The following ANKRD44 variants were observed in gnomAD, a reference collection of about 807,000 sequenced individuals.
The protein encoded by ANKRD44 is serine/threonine-protein phosphatase 6 regulatory ankyrin repeat subunit B.
A neutral mutation model predicts 116.0 loss-of-function variants in ANKRD44; 35 were observed. That is an observed-to-expected ratio of 0.30 (90% CI 0.23 to 0.40). ANKRD44 has a LOEUF of 0.40. ANKRD44 is among the 10% of genes least tolerant of loss of function. The pLI is 1.00. For missense variants in ANKRD44, 1,014 were observed against 1,242.6 expected (o/e 0.82, Z 2.77); for synonymous variants, 435 against 461.8 (o/e 0.94, Z 0.74).
rs375548723 is a variant in ANKRD44 at position 197,184,428 on chromosome 2, G to A, written c.111+2595C>T. Among the ~76,000 whole-genome samples, 460 of 152,194 alleles carry A rather than the reference G, an allele frequency of 3.0e-3. 3 individuals carry two copies. The highest frequency in any genetic ancestry group is 0.018 in the South Asian group (85 of 4,820). ...AGGCCGAGGCAGGCAGATCACCTGA[G>A]GTGAGGAGTTCAAGACCAGCCTGGC... On this transcript the variant is annotated intron_variant, in intron 2 of 27. Transcript: ENST00000282272.
chr2:197,131,765 C>G (rs2079102380), intron 4 of ANKRD44, among the ~76,000 whole-genome samples: 1 of 152,170 alleles, frequency 6.6e-6, no homozygotes, highest in African/African-American at 2.4e-5. Context: ...TATACTAAAA[C>G]TAAAAGCCAC....
chr2:197,264,814 A>T (rs1209802514), intron 1 of ANKRD44, among the ~76,000 whole-genome samples: 1 of 152,214 alleles, frequency 6.6e-6, no homozygotes, highest in Non-Finnish European at 1.5e-5. Context: ...AAGTTCAAGA[A>T]ATCAAAACCC....
chr2:197,175,497 G>A lies in ANKRD44; in HGVS notation c.111+11526C>T, dbSNP rs118012829. ...GATGACAAAAGACAGATGCTGGAGG[G>A]AAAAACACACAGTGTCGGTACCACT... On this transcript the variant is annotated intron_variant, in intron 2 of 27. Coordinates refer to ENST00000282272, the MANE Select transcript of ANKRD44 (RefSeq NM_001195144.2). Among the ~76,000 whole-genome samples the A allele has an allele frequency of 2.4e-4, 36 of 152,244 alleles. No individual in the cohort carries two copies. In the East Asian group the frequency reaches 7.0e-3, roughly 29 times the overall value.
chr2:196,989,533 T>G lies in ANKRD44; in HGVS notation c.*58A>C, dbSNP rs539973959. The G allele has an allele frequency of 6.5e-7, 1 of 1,536,394 alleles. No homozygotes were observed. Among genetic ancestry groups the G allele is most frequent in the South Asian group, 1.2e-5 (1 of 83,048 alleles). On this transcript the variant is annotated 3_prime_UTR_variant, in exon 28 of 28. Transcript: ENST00000282272. ...CTACACACACACACACATATATATA[T>G]ATATACACACGCACACATATATGTG...
intron 16 of ANKRD44, chr2:197,078,289 CCACACACACACA>C (rs10581633): frequency 0.13 from 20,622 of 157,940 alleles, 1,435 homozygotes; most frequent in Non-Finnish European, 0.17. Context: ...CCACTGATTA[CCACACACACACA>C]CACACACACA....
At chr2:197,285,601 C>T (rs1039424826) in intron 1 of ANKRD44, among the ~76,000 whole-genome samples, 2 of 152,150 alleles carry the variant, frequency 1.3e-5, no homozygotes, top group Non-Finnish European at 2.9e-5. Flanking sequence ...ATGACTTACT[C>T]CTACAACCAA....
intron 2 of ANKRD44, among the ~76,000 whole-genome samples, chr2:197,168,938 T>G (rs991918664): frequency 1.8e-4 from 27 of 152,216 alleles, no homozygotes; most frequent in African/African-American, 6.0e-4. Flanking sequence ...CAGCTTCTAC[T>G]CTCCCTGTCA....
intron 3 of ANKRD44, among the ~76,000 whole-genome samples, chr2:197,141,770 T>C (rs1423206236): frequency 6.6e-6 from 1 of 152,226 alleles, no homozygotes; most frequent in Non-Finnish European, 1.5e-5. Flanking sequence ...ACCAGAGTTA[T>C]CTGAATGGAG....
intron 10 of ANKRD44, among the ~76,000 whole-genome samples, chr2:197,092,740 T>A (rs1176133988): frequency 6.6e-6 from 1 of 152,212 alleles, no homozygotes; most frequent in Non-Finnish European, 1.5e-5. Flanking sequence ...TGCAATTGCA[T>A]CAGTGATGAC....
At chr2:197,133,172 G>T (rs2079132194) in intron 4 of ANKRD44, among the ~76,000 whole-genome samples, 2 of 152,200 alleles carry the variant, frequency 1.3e-5, no homozygotes, top group African/African-American at 4.8e-5. Flanking sequence ...TGCTTCTTCA[G>T]ATCCTGCTGC....
intron 8 of ANKRD44, among the ~76,000 whole-genome samples, chr2:197,120,119 C>T (rs757255378): frequency 7.4e-4 from 112 of 152,182 alleles, no homozygotes; most frequent in Non-Finnish European, 5.3e-4. Flanking sequence ...TTAGAGTTTG[C>T]AATGCTTTAT....
At chr2:197,027,589 G>A in intron 16 of ANKRD44, among the ~76,000 whole-genome samples, 1 of 151,896 alleles carries the variant, frequency 6.6e-6, no homozygotes, top group Non-Finnish European at 1.5e-5. Flanking sequence ...GAGAACATGA[G>A]GTTCTGGAAC....
rs149516411 is a variant in ANKRD44, at chr2:197,309,506, G to A, written c.27+1072C>T. 3.2e-3 allele frequency among the ~76,000 whole-genome samples: 488 copies of A among 152,318 alleles called. 1 individual carries two copies. Among genetic ancestry groups the A allele is most frequent in the Middle Eastern group, 0.01 (3 of 294 alleles). On this transcript the variant is annotated intron_variant, in intron 1 of 27. Transcript: ENST00000282272. ...TGCACTTCAGTTGCAAGATGTTCTG[G>A]CTGGATACTAACTGGAGAACGCAAG...
chr2:197,273,960 CAAAAAA>C (rs1158937486), intron 1 of ANKRD44, among the ~76,000 whole-genome samples: 727 of 9,082 alleles, frequency 0.08, 7 homozygotes, highest in East Asian at 0.2. Flanking sequence ...CAACCAACCA[CAAAAAA>C]AAAAAAAAAA....
rs564705125 is a variant in ANKRD44 at position 197,095,249 on chromosome 2, A to G, written c.1100+4567T>C. On this transcript the variant is annotated intron_variant, in intron 10 of 27. Coordinates refer to ENST00000282272, the MANE Select transcript of ANKRD44 (RefSeq NM_001195144.2). ...TCACCACATACCTCTGCCTAATTTC[A>G]GTGTCCATGTTTGTACTGAGGATCA... 1.2e-4 allele frequency among the ~76,000 whole-genome samples: 19 copies of G among 152,320 alleles called. 1 individual carries two copies. The East Asian group carries it at 3.5e-3, about 28-fold the overall frequency.
In ANKRD44 at chr2:197,015,993, G is replaced by T. The variant is rs764932422; in HGVS notation, c.1723-2281C>A. The T allele has an allele frequency of 1.1e-5, 6 of 540,256 alleles. No homozygotes were observed. In the Admixed American group the frequency reaches 1.1e-4, roughly 10 times the overall value. 33.5% of individuals were successfully genotyped at this position (540,256 alleles called of 1,614,324 possible). On this transcript the variant is annotated intron_variant, in intron 17 of 27. Transcript: ENST00000282272. ...GTTGGGTCTGGTGGTGGAAGTGGTG[G>T]ATATGGTAGCAGAAGTTTCTAAAAA...
rs573327259 is a variant in ANKRD44, at chr2:197,296,667, A to G, written c.27+13911T>C. Reference sequence around the variant, plus strand: ...CCAATTCTCATTTTCATTTCCTGTGACCCTTTTTACTTTGCCCTACATCTC... The same window carrying G: ...CCAATTCTCATTTTCATTTCCTGTGGCCCTTTTTACTTTGCCCTACATCTC... On this transcript the variant is annotated intron_variant, in intron 1 of 27. Transcript: ENST00000282272. 14 of 152,066 alleles carry G rather than the reference A, an allele frequency of 9.2e-5. No individual in the cohort carries two copies. In the East Asian group the frequency reaches 2.5e-3, roughly 27 times the overall value. The allele number at this position is 152,066 out of a possible 1,614,324, so 9.4% of individuals were successfully genotyped here. A position where few individuals can be genotyped will look rare whatever the true frequency, so the allele number is the denominator to read the frequency against.
chr2:197,247,639 G>A (rs2082222034), intron 1 of ANKRD44, among the ~76,000 whole-genome samples: 2 of 152,152 alleles, frequency 1.3e-5, no homozygotes, highest in Non-Finnish European at 2.9e-5. Context: ...AATGGACTGA[G>A]GCCATATTAT....
In ANKRD44 at chr2:197,250,351, TC is replaced by T. The variant is rs141581099; in HGVS notation, c.27+60226del. On this transcript the variant is annotated intron_variant, in intron 1 of 27. Transcript: ENST00000282272. ...GTTTCTTATAAGGGAGGAATATCTT[TC>T]CCAGAAGACCCCAGTTGACTTCCAT... Among the ~76,000 whole-genome samples, 1,003 of 152,278 alleles carry T rather than the reference TC, an allele frequency of 6.6e-3. 5 individuals carry two copies. The highest frequency in any genetic ancestry group is 9.6e-3 in the Non-Finnish European group (654 of 68,018).
Sources: allele counts gnomAD v4.1 joint callset (sites outside exome capture counted in the v4.1 genomes callset), GRCh38; gene constraint gnomAD v4.1.1; transcripts MANE v1.5; gene names NCBI Gene and HGNC (gene_info 2026-07-23, HGNC 2026-07-21).